NUP210L: variants seen among roughly 807,000 people sequenced by gnomAD.
NUP210L encodes nuclear pore membrane glycoprotein 210-like.
A neutral mutation model predicts 208.5 loss-of-function variants in NUP210L; 74 were observed. That is an observed-to-expected ratio of 0.35 (90% CI 0.29 to 0.43). The LOEUF (loss-of-function observed/expected upper bound fraction) is 0.43. Among genes scored for constraint, NUP210L ranks in the 20% least tolerant of loss-of-function variants. NUP210L has a pLI of 1.00. For missense variants in NUP210L, 1,843 were observed against 2,289.4 expected, an observed-to-expected ratio of 0.81 and a Z score of 3.98; for synonymous variants, 780 against 816.9, an observed-to-expected ratio of 0.95 and a Z score of 0.77.
chr1:154,030,176 G>A lies in NUP210L; in HGVS notation c.3697-122C>T, dbSNP rs895905200. On this transcript the variant is annotated intron_variant, in intron 27 of 39. Coordinates refer to ENST00000368559, the Ensembl canonical transcript of NUP210L. Reference sequence around the variant, plus strand: ...TAAAAATAAAAAGTCAGGAAAGGGTGGGAGGGGGCGAGGGATAGAAGACTA... The same window carrying A: ...TAAAAATAAAAAGTCAGGAAAGGGTAGGAGGGGGCGAGGGATAGAAGACTA... The A allele has an allele frequency of 8.1e-5, 50 of 614,238 alleles. No homozygotes were observed. The African/African-American group carries it at 9.4e-4, about 12-fold the overall frequency. The allele number at this position is 614,238 out of a possible 1,614,324, so 38.0% of individuals were successfully genotyped here. A position where few individuals can be genotyped will look rare whatever the true frequency, so the allele number is the denominator to read the frequency against.
intron 17 of NUP210L, among the ~76,000 whole-genome samples, chr1:154,069,553 T>C (rs1654595683): frequency 6.6e-6 from 1 of 152,128 alleles, no homozygotes; most frequent in African/African-American, 2.4e-5. Flanking sequence ...AAACAACAGA[T>C]GCTGGAGAGG....
chr1:154,020,462 C>T (rs548701007), intron 32 of NUP210L, among the ~76,000 whole-genome samples: 27 of 152,004 alleles, frequency 1.8e-4, no homozygotes, highest in South Asian at 8.3e-4. Flanking sequence ...GCAATCTTCC[C>T]ACCTCAGCCT....
intron 12 of NUP210L, among the ~76,000 whole-genome samples, chr1:154,112,802 G>A (rs1657105622): frequency 6.6e-6 from 1 of 151,424 alleles, no homozygotes; most frequent in Admixed American, 6.6e-5. Context: ...GTTGCAGTGA[G>A]CTGAGGTTGC....
chr1:154,080,550 G>A (rs961237123), intron 16 of NUP210L, among the ~76,000 whole-genome samples: 1 of 151,048 alleles, frequency 6.6e-6, no homozygotes, highest in Non-Finnish European at 1.5e-5. Context: ...CAAGCACGGT[G>A]GCGTGCACCT....
chr1:154,125,501 A>G (rs900470315), intron 10 of NUP210L, among the ~76,000 whole-genome samples: 1 of 150,550 alleles, frequency 6.6e-6, no homozygotes, highest in African/African-American at 2.4e-5. Flanking sequence ...ATGTGCCTGC[A>G]GTCCCAGCTA....
chr1:154,069,297 T>G (rs561259381), intron 17 of NUP210L, among the ~76,000 whole-genome samples: 105 of 152,214 alleles, frequency 6.9e-4, no homozygotes, highest in African/African-American at 2.4e-3. Flanking sequence ...AATTTACCCA[T>G]CTGACAAAAG....
At chr1:154,114,786 G>T (rs1027119515) in intron 12 of NUP210L, among the ~76,000 whole-genome samples, 7 of 150,676 alleles carry the variant, frequency 4.6e-5, no homozygotes, top group South Asian at 2.1e-4. Flanking sequence ...GATGGGGGGG[G>T]GGGTCTTGCT....
chr1:153,998,553 CAA>C (rs566361453), intron 37 of NUP210L, among the ~76,000 whole-genome samples: 12 of 53,748 alleles, frequency 2.2e-4, no homozygotes, highest in Non-Finnish European at 1.9e-4. Flanking sequence ...GGTTCTGTCT[CAA>C]AAAAAAAAAA....
At chr1:154,047,404 A>T (rs1653245443) in intron 25 of NUP210L, among the ~76,000 whole-genome samples, 2 of 152,194 alleles carry the variant, frequency 1.3e-5, no homozygotes, top group African/African-American at 4.8e-5. Context: ...ACTGGCCCCA[A>T]AAATGGCCAT....
Position 154,058,647 on chromosome 1 carries a change from AG to A in NUP210L, c.2896del (p.Leu966PhefsTer25). The A allele has an allele frequency of 6.2e-7, 1 of 1,613,988 alleles. No homozygotes were observed. The highest frequency in any genetic ancestry group is 2.2e-5 in the East Asian group (1 of 44,882). On this transcript the variant is annotated frameshift_variant, in exon 21 of 40. Coordinates refer to ENST00000368559, the Ensembl canonical transcript of NUP210L. LOFTEE classifies it high-confidence loss of function. ...TGCTGGACCCAAGAAAGCCAAACAA[AG>A]ATCATAGACCTCCAAGGTAAAAAAT...
intron 35 of NUP210L, among the ~76,000 whole-genome samples, chr1:154,008,478 G>A (rs904027569): frequency 6.6e-6 from 1 of 152,250 alleles, no homozygotes; most frequent in East Asian, 1.9e-4. Flanking sequence ...GGATGCTGAG[G>A]CAGGCGGATC....
intron 10 of NUP210L, among the ~76,000 whole-genome samples, chr1:154,125,306 C>A (rs1400175805): frequency 6.6e-6 from 1 of 151,800 alleles, no homozygotes; most frequent in African/African-American, 2.4e-5. Context: ...AAAAATTTGC[C>A]AGGCATGGTG....
At chr1:154,093,465 T>C (rs975099893) in intron 15 of NUP210L, among the ~76,000 whole-genome samples, 1 of 151,912 alleles carries the variant, frequency 6.6e-6, no homozygotes, top group African/African-American at 2.4e-5. Flanking sequence ...CAATAAAAGA[T>C]TGAGGACCAA....
chr1:154,092,540 TTTG>T, intron 15 of NUP210L, among the ~76,000 whole-genome samples: 1 of 142,680 alleles, frequency 7.0e-6, no homozygotes, highest in African/African-American at 2.5e-5. Context: ...TGGCTAGTTT[TTTG>T]TTTTTTGTTT....
chr1:154,044,453 A>G (rs1653067944), intron 27 of NUP210L, among the ~76,000 whole-genome samples: 1 of 152,008 alleles, frequency 6.6e-6, no homozygotes, highest in Non-Finnish European at 1.5e-5. Context: ...AAATCCTTAC[A>G]TTAAATTGCA....
intron 14 of NUP210L, 51 bp downstream of exon 14, chr1:154,099,947 T>TAA (rs1656376733): frequency 2.5e-6 from 4 of 1,571,740 alleles, no homozygotes; most frequent in African/African-American, 1.3e-5. Context: ...TAAGCAGACA[T>TAA]AGTTAAGTCC....
At chr1:154,100,121 C>T (rs1656384355) in exon 14 of NUP210L, 5 of 1,613,926 alleles carry the variant, frequency 3.1e-6, no homozygotes, top group Non-Finnish European at 4.2e-6. Context: ...TGGAACAATG[C>T]ATTGGTCCAG....
chr1:154,120,096 T>A (rs1050996329), intron 10 of NUP210L, among the ~76,000 whole-genome samples: 2 of 152,220 alleles, frequency 1.3e-5, no homozygotes, highest in African/African-American at 4.8e-5. Flanking sequence ...CTAACTGGTG[T>A]GAGATGATAT....
At chr1:154,077,111 G>A (rs1002264235) in intron 16 of NUP210L, among the ~76,000 whole-genome samples, 6 of 152,088 alleles carry the variant, frequency 3.9e-5, no homozygotes, top group South Asian at 2.1e-4. Context: ...GCAGTGGCTC[G>A]CGCTTGTAAT....
Sources: gnomAD v4.1 joint callset for allele counts (sites outside exome capture counted in the v4.1 genomes callset) on GRCh38, gnomAD v4.1.1 for gene constraint, MANE v1.5 for transcripts, NCBI Gene and HGNC (gene_info 2026-07-23, HGNC 2026-07-21) for gene names.